Variants in FILIP1L observed in about 807,000 individuals in gnomAD.
FILIP1L encodes the protein filamin A-interacting protein 1-like.
In FILIP1L, 55 loss-of-function variants were observed where a neutral mutation model predicts 96.6. That is an observed-to-expected ratio of 0.57 (90% CI 0.46 to 0.71). The LOEUF is 0.71. Among genes scored for constraint, FILIP1L ranks in the 30% least tolerant of loss-of-function variants. FILIP1L has a pLI of 0.00. For missense variants in FILIP1L, 1,304 were observed against 1,321.2 expected, an observed-to-expected ratio of 0.99 and a Z score of 0.20; for synonymous variants, 467 against 473.9, an observed-to-expected ratio of 0.99 and a Z score of 0.19.
chr3:99,853,148 C>T (rs991607084), intron 4 of FILIP1L, among the ~76,000 whole-genome samples: 1 of 152,198 alleles, frequency 6.6e-6, no homozygotes, highest in Non-Finnish European at 1.5e-5. Flanking sequence ...TGGGACTTCT[C>T]AACCCAGTGG....
chr3:99,905,301 C>T (rs1179802081), intron 4 of FILIP1L, among the ~76,000 whole-genome samples: 4 of 152,208 alleles, frequency 2.6e-5, no homozygotes, highest in African/African-American at 9.7e-5. Flanking sequence ...TGAGTTCCAT[C>T]TAGTCCCATG....
chr3:100,077,450 G>T lies in FILIP1L; in HGVS notation c.-11+36603C>A, dbSNP rs748505110. ...AAAGGTGGTTAGCTATTAAGCCATG[G>T]CTGGATTTTATAGCACAAAAAGTTA... On this transcript the variant is annotated intron_variant, in intron 1 of 5. Coordinates refer to ENST00000477258, the MANE Select transcript of FILIP1L (RefSeq NM_001387850.1). 6.4e-4 allele frequency among the ~76,000 whole-genome samples: 97 copies of T among 152,318 alleles called. 1 individual carries two copies. Among genetic ancestry groups the T allele is most frequent in the Middle Eastern group, 3.4e-3 (1 of 294 alleles).
chr3:100,090,037 C>T (rs374812269), intron 1 of FILIP1L, among the ~76,000 whole-genome samples: 9 of 152,330 alleles, frequency 5.9e-5, no homozygotes, highest in African/African-American at 2.2e-4. Flanking sequence ...GATAGGAGTG[C>T]GTGGAGCCAC....
intron 1 of FILIP1L, among the ~76,000 whole-genome samples, chr3:100,050,426 TA>T (rs1182129929): frequency 2.0e-5 from 3 of 152,224 alleles, no homozygotes; most frequent in Non-Finnish European, 4.4e-5. Context: ...GTTTTAATGC[TA>T]AAATAGAATG....
chr3:99,948,747 AAG>A (rs1486647392), intron 1 of FILIP1L, among the ~76,000 whole-genome samples: 1 of 151,794 alleles, frequency 6.6e-6, no homozygotes, highest in African/African-American at 2.4e-5. Context: ...GAAAGGAAAA[AAG>A]AGGAAAAGGA....
chr3:99,908,352 T>A (rs1706687635), intron 4 of FILIP1L, among the ~76,000 whole-genome samples: 1 of 152,242 alleles, frequency 6.6e-6, no homozygotes, highest in Admixed American at 6.5e-5. Flanking sequence ...CTGGCTTCAC[T>A]CGTGTTCTCT....
intron 1 of FILIP1L, among the ~76,000 whole-genome samples, chr3:99,945,009 G>A (rs1170299749): frequency 6.6e-6 from 1 of 152,168 alleles, no homozygotes; most frequent in Non-Finnish European, 1.5e-5. Context: ...TTGTTATAAA[G>A]CAGGAGCTTA....
intron 5 of FILIP1L, among the ~76,000 whole-genome samples, chr3:99,846,457 A>G (rs1943369078): frequency 6.6e-6 from 1 of 152,240 alleles, no homozygotes. Context: ...GCTAAAATTA[A>G]GTTTGCCATT....
At chr3:99,841,220 T>A (rs1192429870) in intron 5 of FILIP1L, among the ~76,000 whole-genome samples, 1 of 152,270 alleles carries the variant, frequency 6.6e-6, no homozygotes, top group African/African-American at 2.4e-5. Flanking sequence ...ATTGACAGAT[T>A]GGCCCAGAGT....
intron 1 of FILIP1L, among the ~76,000 whole-genome samples, chr3:100,013,877 A>G (rs1238737991): frequency 6.6e-6 from 1 of 152,154 alleles, no homozygotes; most frequent in Non-Finnish European, 1.5e-5. Context: ...GTTGTTAACT[A>G]TAGTCACCGT....
In FILIP1L at chr3:99,972,772, G is replaced by A. The variant is rs532405971; in HGVS notation, c.-10-41742C>T. ...TCTTGAAGACATTTAGATTAACTGG[G>A]TGTTAATGATGTTAACTTCCATAAG... On this transcript the variant is annotated intron_variant, in intron 1 of 5. Transcript: ENST00000477258. 2.6e-5 allele frequency among the ~76,000 whole-genome samples: 4 copies of A among 152,302 alleles called. No homozygotes were observed. The South Asian group carries it at 6.2e-4, about 24-fold the overall frequency.
chr3:99,920,481 C>T (rs1277448332), intron 4 of FILIP1L, among the ~76,000 whole-genome samples: 6 of 152,136 alleles, frequency 3.9e-5, no homozygotes, highest in African/African-American at 1.4e-4. Context: ...GTAATTCAGC[C>T]AAGTACATAA....
At chr3:100,067,123 C>T (rs529885423) in intron 1 of FILIP1L, among the ~76,000 whole-genome samples, 1 of 152,144 alleles carries the variant, frequency 6.6e-6, no homozygotes, top group Non-Finnish European at 1.5e-5. Flanking sequence ...ACCTAGAATA[C>T]AGGAGTTTTG....
At chr3:99,909,669 C>T (rs527845538) in intron 4 of FILIP1L, among the ~76,000 whole-genome samples, 1 of 152,208 alleles carries the variant, frequency 6.6e-6, no homozygotes, top group Admixed American at 6.5e-5. Context: ...TCATGTTTTT[C>T]ATCATACAGA....
chr3:100,059,921 T>G (rs2065531131), intron 1 of FILIP1L, among the ~76,000 whole-genome samples: 1 of 152,044 alleles, frequency 6.6e-6, no homozygotes, highest in Non-Finnish European at 1.5e-5. Flanking sequence ...GAGCCTCCAG[T>G]CTGGGGAGTT....
At chr3:99,970,745 C>T (rs527882051) in intron 1 of FILIP1L, among the ~76,000 whole-genome samples, 4 of 152,170 alleles carry the variant, frequency 2.6e-5, no homozygotes, top group Admixed American at 6.5e-5. Flanking sequence ...GAGCGTGCTA[C>T]GATAGACCTC....
intron 4 of FILIP1L, among the ~76,000 whole-genome samples, chr3:99,917,487 A>G (rs1194803548): frequency 2.0e-5 from 3 of 152,192 alleles, no homozygotes; most frequent in African/African-American, 7.2e-5. Context: ...GCAACTATTT[A>G]GCTGGAAGAT....
chr3:100,014,442 T>C (rs903241745), intron 1 of FILIP1L, among the ~76,000 whole-genome samples: 4 of 152,126 alleles, frequency 2.6e-5, no homozygotes, highest in African/African-American at 9.7e-5. Context: ...ATAGCTATTA[T>C]AATTTACATT....
chr3:99,996,874 G>C (rs145731628), intron 1 of FILIP1L, among the ~76,000 whole-genome samples: 1 of 150,724 alleles, frequency 6.6e-6, no homozygotes, highest in Non-Finnish European at 1.5e-5. Context: ...ATGAGATTTG[G>C]GTGGGGACAC....
Sources: allele counts gnomAD v4.1 joint callset (sites outside exome capture counted in the v4.1 genomes callset), GRCh38; gene constraint gnomAD v4.1.1; transcripts MANE v1.5; gene names NCBI Gene and HGNC (gene_info 2026-07-23, HGNC 2026-07-21).